The following WWC1 variants were observed in gnomAD, a reference collection of about 807,000 sequenced individuals.
The protein encoded by WWC1 is protein KIBRA.
In WWC1, 55 loss-of-function variants were observed where a neutral mutation model predicts 138.4. That is an observed-to-expected ratio of 0.40 (90% CI 0.32 to 0.50). The LOEUF (loss-of-function observed/expected upper bound fraction) is 0.50. Ranked by LOEUF, WWC1 falls within the 20% of genes least tolerant of loss-of-function variation. The pLI, the probability that WWC1 is intolerant of heterozygous loss-of-function variation, is 0.72. For synonymous variants in WWC1, 524 were observed against 564.9 expected (o/e 0.93, Z 1.03); for missense variants, 1,226 against 1,420.4 (o/e 0.86, Z 2.20).
intron 17 of WWC1, among the ~76,000 whole-genome samples, chr5:168,451,287 G>C (rs888123281): frequency 1.3e-5 from 2 of 152,126 alleles, no homozygotes; most frequent in African/African-American, 2.4e-5. Context: ...CTCCCAAACT[G>C]TTGGGATTAT....
chr5:168,351,141 T>C, intron 1 of WWC1, among the ~76,000 whole-genome samples: 1 of 144,088 alleles, frequency 6.9e-6, no homozygotes, highest in Admixed American at 6.9e-5. Flanking sequence ...TGAGACCTTG[T>C]CTCAAAAAAA....
chr5:168,377,140 T>C (rs1777239968), intron 2 of WWC1, among the ~76,000 whole-genome samples: 1 of 152,160 alleles, frequency 6.6e-6, no homozygotes, highest in South Asian at 2.1e-4. Flanking sequence ...CCTACAGCTA[T>C]TTGATCTTCA....
chr5:168,453,163 A>G (rs1424651985), intron 17 of WWC1, among the ~76,000 whole-genome samples: 1 of 152,090 alleles, frequency 6.6e-6, no homozygotes, highest in East Asian at 1.9e-4. Context: ...GGTGGAGGCT[A>G]CAGTGAGCCA....
rs10527141 is a variant in WWC1, at chr5:168,465,548, C to CTTTTTTTTTTTTTTTTTTTTTTTTTT, written c.3150+589_3150+614dup. On this transcript the variant is annotated intron_variant, in intron 21 of 22. Coordinates refer to ENST00000265293, the MANE Select transcript of WWC1 (RefSeq NM_015238.3). ...CACACAAAGTTTTATATCAGCTGGG[C>CTTTTTTTTTTTTTTTTTTTTTTTTTT]TTTTTTTTTTTTTTTTTTTTTTTTT... Among the ~76,000 whole-genome samples, 38 of 46,932 alleles carry CTTTTTTTTTTTTTTTTTTTTTTTTTT rather than the reference C, an allele frequency of 8.1e-4. 19 individuals are homozygous for CTTTTTTTTTTTTTTTTTTTTTTTTTT. The highest frequency in any genetic ancestry group is 8.4e-4 in the African/African-American group (10 of 11,916). The allele number at this position is 46,932 out of a possible 152,430, so 30.8% of individuals were successfully genotyped here. A position where few individuals can be genotyped will look rare whatever the true frequency, so the allele number is the denominator to read the frequency against.
At chr5:168,427,921 A>T in intron 11 of WWC1, 112 bp from the exon 12 acceptor site, 2 of 786,658 alleles carry the variant, frequency 2.5e-6, no homozygotes, top group Non-Finnish European at 4.2e-6. Context: ...TGATTGTGCC[A>T]CTGCACTCCA....
At chr5:168,300,744 T>C (rs1050014114) in intron 1 of WWC1, among the ~76,000 whole-genome samples, 2 of 152,238 alleles carry the variant, frequency 1.3e-5, no homozygotes, top group Non-Finnish European at 2.9e-5. Flanking sequence ...AGGCCTGTTT[T>C]GGTAGCAACC....
intron 7 of WWC1, 132 bp downstream of exon 7, chr5:168,408,785 T>G: frequency 8.0e-7 from 1 of 1,249,054 alleles, no homozygotes; most frequent in Non-Finnish European, 1.1e-6. Flanking sequence ...GGCTGCTGCC[T>G]CAGCCCTCTG....
At chr5:168,420,367 T>G (rs948131366) in intron 9 of WWC1, among the ~76,000 whole-genome samples, 1 of 152,112 alleles carries the variant, frequency 6.6e-6, no homozygotes, top group African/African-American at 2.4e-5. Flanking sequence ...AATCTCCTCT[T>G]AGAAGGACAC....
At chr5:168,319,524 T>C (rs985878795) in intron 1 of WWC1, among the ~76,000 whole-genome samples, 4 of 152,256 alleles carry the variant, frequency 2.6e-5, no homozygotes, top group Admixed American at 2.0e-4. Flanking sequence ...ATCTATTTTT[T>C]TGAGACAAGG....
intron 1 of WWC1, among the ~76,000 whole-genome samples, chr5:168,305,717 A>G (rs1770497900): frequency 6.6e-6 from 1 of 152,184 alleles, no homozygotes; most frequent in Admixed American, 6.5e-5. Context: ...GGGGAACAAA[A>G]GGAACAGTTA....
At chr5:168,431,906 C>A (rs770650145) in intron 15 of WWC1, among the ~76,000 whole-genome samples, 2 of 151,922 alleles carry the variant, frequency 1.3e-5, no homozygotes, top group Admixed American at 1.3e-4. Flanking sequence ...CCCATCTCTA[C>A]AAAAAATAAA....
At position 168,292,011 on chromosome 5, in the gene WWC1, A is replaced by G. The variant is rs1769086803; in HGVS notation, c.-142A>G. The G allele has an allele frequency of 1.2e-5, 12 of 993,530 alleles. No individual in the cohort carries two copies. The South Asian group carries it at 1.9e-4, about 16-fold the overall frequency. 61.5% of individuals were successfully genotyped at this position (993,530 alleles called of 1,614,324 possible). A position where few individuals can be genotyped will look rare whatever the true frequency, so the allele number is the denominator to read the frequency against. On this transcript the variant is annotated 5_prime_UTR_variant, in exon 1 of 23. Transcript: ENST00000265293. The surrounding 1 kb of genome is among the most constrained non-coding windows in gnomAD (Gnocchi z 4.4). ...AGCGGCGCCACCCCGGCCGGCCCCT[A>G]CTAGGGCCCCCCATCTGCGGGCGCC...
intron 1 of WWC1, among the ~76,000 whole-genome samples, chr5:168,315,641 C>T (rs1771517479): frequency 6.6e-6 from 1 of 152,010 alleles, no homozygotes; most frequent in Non-Finnish European, 1.5e-5. Context: ...AGCATCCTGC[C>T]CAGTCTCTCC....
chr5:168,296,025 G>A (rs562790120), intron 1 of WWC1, among the ~76,000 whole-genome samples: 2 of 152,362 alleles, frequency 1.3e-5, no homozygotes, highest in East Asian at 3.9e-4. Flanking sequence ...GGTCTGAACA[G>A]CACCTTGGAG....
At chr5:168,326,561 T>TG (rs2070079361) in intron 1 of WWC1, among the ~76,000 whole-genome samples, 1 of 149,328 alleles carries the variant, frequency 6.7e-6, no homozygotes, top group South Asian at 2.1e-4. Flanking sequence ...TGTTTTTAGA[T>TG]GGAGTCTAGC....
intron 1 of WWC1, among the ~76,000 whole-genome samples, chr5:168,360,529 C>T (rs76758476): frequency 0.018 from 2,746 of 152,252 alleles, 38 homozygotes; most frequent in South Asian, 0.059. Flanking sequence ...GCTGCCCTGA[C>T]CTTTGGGACA....
chr5:168,464,125 C>A (rs1466246349), intron 20 of WWC1, among the ~76,000 whole-genome samples: 1 of 152,062 alleles, frequency 6.6e-6, no homozygotes, highest in Non-Finnish European at 1.5e-5. Flanking sequence ...AGGAGGAGGT[C>A]TCCAAGGGAA....
intron 16 of WWC1, 26 bp from the exon 17 acceptor site, chr5:168,444,468 T>G: frequency 6.4e-7 from 1 of 1,552,130 alleles, no homozygotes; most frequent in Non-Finnish European, 8.7e-7. Context: ...TTGTACCCAA[T>G]GACCCAGCAA....
intron 16 of WWC1, among the ~76,000 whole-genome samples, chr5:168,442,085 C>T (rs944178323): frequency 6.6e-6 from 1 of 152,130 alleles, no homozygotes; most frequent in East Asian, 1.9e-4. Context: ...ACTTGGCTAA[C>T]GAAAACCTTA....
Sources: allele counts gnomAD v4.1 joint callset (sites outside exome capture counted in the v4.1 genomes callset), GRCh38; gene constraint gnomAD v4.1.1; non-coding constraint Gnocchi (gnomAD v3.1); transcripts MANE v1.5; gene names NCBI Gene and HGNC (gene_info 2026-07-23, HGNC 2026-07-21).